The following TNKS variants were observed in gnomAD, a reference collection of about 807,000 sequenced individuals.
TNKS encodes the protein tankyrase.
A neutral mutation model predicts 135.8 loss-of-function variants in TNKS; 72 were observed. The observed-to-expected ratio is 0.53, with a 90% CI of 0.44 to 0.64. The LOEUF is 0.64. TNKS is among the 30% of genes least tolerant of loss of function. The pLI is 0.00. For synonymous variants in TNKS, 849 were observed against 649.3 expected (o/e 1.31, Z -4.68); for missense variants, 1,769 against 1,674.0 (o/e 1.06, Z -0.99).
chr8:9,743,958 A>G (rs554679207), intron 17 of TNKS, among the ~76,000 whole-genome samples: 54 of 152,348 alleles, frequency 3.5e-4, no homozygotes, highest in Middle Eastern at 3.4e-3. Flanking sequence ...GTGAAATTAC[A>G]TAGTTATTTA....
At chr8:9,568,509 T>G (rs549994879) in intron 1 of TNKS, among the ~76,000 whole-genome samples, 14 of 152,280 alleles carry the variant, frequency 9.2e-5, no homozygotes, top group Admixed American at 2.0e-4. Flanking sequence ...TATTAGAAAT[T>G]TTAAAAATAA....
intron 17 of TNKS, chr8:9,741,583 G>C (rs1585402556): frequency 3.0e-6 from 1 of 337,412 alleles, no homozygotes; most frequent in East Asian, 6.4e-5. Flanking sequence ...TCTTCACCTT[G>C]CACAGTCTTT....
At chr8:9,671,512 T>C (rs1802268425) in intron 3 of TNKS, among the ~76,000 whole-genome samples, 1 of 152,222 alleles carries the variant, frequency 6.6e-6, no homozygotes, top group African/African-American at 2.4e-5. Flanking sequence ...AATCAGAAGT[T>C]TATATATTCT....
Position 9,556,037 on chromosome 8 carries a change from C to T in TNKS, c.98C>T (p.Pro33Leu). 6.2e-7 allele frequency: 1 copy of T among 1,611,756 alleles called. No homozygotes were observed. Among genetic ancestry groups the T allele is most frequent in the South Asian group, 1.1e-5 (1 of 90,970 alleles). The change falls in exon 1 of 27, where the codon CCC (proline) becomes CTC (leucine). Residue 33 changes from proline to leucine, a missense_variant. Pro to Leu is a moderately conservative substitution (Grantham distance 98). Transcript: ENST00000310430. ...GASAPPPPPP[P>L]PLSPGLAPGT... ...TCAGCGCCGCCGCCGCCACCTCCTC[C>T]CCCACTCAGCCCTGGCCTGGCCCCG...
At chr8:9,603,717 G>A (rs1354220510) in intron 2 of TNKS, among the ~76,000 whole-genome samples, 2 of 152,232 alleles carry the variant, frequency 1.3e-5, no homozygotes, top group South Asian at 2.1e-4. Context: ...AAGAACCCTG[G>A]TTTATTAAGT....
intron 3 of TNKS, among the ~76,000 whole-genome samples, chr8:9,646,316 C>T (rs562839746): frequency 1.3e-5 from 2 of 152,010 alleles, no homozygotes; most frequent in East Asian, 3.9e-4. Flanking sequence ...ACGAATAATG[C>T]CTTACCTGCA....
intron 3 of TNKS, among the ~76,000 whole-genome samples, chr8:9,620,495 A>G (rs1240506902): frequency 6.6e-6 from 1 of 152,220 alleles, no homozygotes; most frequent in African/African-American, 2.4e-5. Flanking sequence ...CTCTATAATC[A>G]GAAAATTCTT....
intron 2 of TNKS, among the ~76,000 whole-genome samples, chr8:9,588,450 G>C (rs1163032858): frequency 6.6e-6 from 1 of 152,078 alleles, no homozygotes; most frequent in East Asian, 1.9e-4. Flanking sequence ...AATTTTTTAT[G>C]TATTTTTAGT....
chr8:9,740,400 A>G (rs1249822601), intron 17 of TNKS, among the ~76,000 whole-genome samples: 2 of 152,088 alleles, frequency 1.3e-5, no homozygotes, highest in Non-Finnish European at 2.9e-5. Context: ...AACCAACCCA[A>G]CCACCTTGAT....
At chr8:9,686,023 G>A (rs1193047001) in intron 5 of TNKS, among the ~76,000 whole-genome samples, 2 of 152,130 alleles carry the variant, frequency 1.3e-5, no homozygotes, top group South Asian at 2.1e-4. Context: ...ATTTGGAGAT[G>A]CCTCAATAAA....
chr8:9,713,163 A>G (rs566185512), intron 11 of TNKS, among the ~76,000 whole-genome samples: 3 of 152,332 alleles, frequency 2.0e-5, no homozygotes, highest in Admixed American at 2.0e-4. Flanking sequence ...ACAGAGTTCT[A>G]CAGATGTATT....
Position 9,556,214 on chromosome 8 carries a change from C to A in TNKS, c.275C>A (p.Thr92Asn). 1 of 1,614,180 alleles carries A rather than the reference C, an allele frequency of 6.2e-7. No homozygotes were observed. ...DPVDGTSCCS[T>N]TSTICTVAAA... Reference sequence around the variant, plus strand: ...GTTGACGGTACCAGCTGTTGCAGTACCACCAGCACAATCTGTACCGTCGCC... The same window carrying A: ...GTTGACGGTACCAGCTGTTGCAGTAACACCAGCACAATCTGTACCGTCGCC... Residue 92 changes from threonine to asparagine, a missense_variant, in exon 1 of 27, where the codon ACC becomes AAC. Physicochemically the swap from Thr to Asn is moderately conservative, Grantham distance 65. Around this residue, in one of 5 missense-constraint regions of TNKS, gnomAD observed 450 missense variants for 304.9 expected, o/e 1.48. Transcript: ENST00000310430.
intron 2 of TNKS, among the ~76,000 whole-genome samples, chr8:9,592,559 A>G (rs529014779): frequency 6.6e-6 from 1 of 152,288 alleles, no homozygotes; most frequent in South Asian, 2.1e-4. Flanking sequence ...ATGAGGTGCC[A>G]GATTCTTAAA....
intron 3 of TNKS, among the ~76,000 whole-genome samples, chr8:9,674,447 A>C (rs763276607): frequency 3.9e-5 from 6 of 152,188 alleles, no homozygotes; most frequent in Non-Finnish European, 8.8e-5. Context: ...TTTAAGAGTA[A>C]AGAATATGGA....
rs533748455 is a variant in TNKS, at chr8:9,660,341, A to C, written c.995-19610A>C. ...AACATCGATGCAAAAATCCTCAATA[A>C]AATACTGGCAAACCGAATCCAGCAA... On this transcript the variant is annotated intron_variant, in intron 3 of 26. Transcript: ENST00000310430. Among the ~76,000 whole-genome samples, 3 of 152,326 alleles carry C rather than the reference A, an allele frequency of 2.0e-5. No homozygotes were observed. In the South Asian group the frequency reaches 6.2e-4, roughly 32 times the overall value.
At chr8:9,654,049 T>C (rs927104821) in intron 3 of TNKS, among the ~76,000 whole-genome samples, 1 of 152,176 alleles carries the variant, frequency 6.6e-6, no homozygotes, top group Non-Finnish European at 1.5e-5. Flanking sequence ...TTCCCAGTTG[T>C]GCAGTAAAAA....
intron 3 of TNKS, among the ~76,000 whole-genome samples, chr8:9,671,464 G>A (rs1382879558): frequency 6.6e-5 from 10 of 152,128 alleles, no homozygotes; most frequent in Admixed American, 5.2e-4. Context: ...CAACATGGAC[G>A]AAACTTAAAA....
At chr8:9,574,982 T>TGTCAGA (rs71280786) in intron 1 of TNKS, 119,877 of 949,162 alleles carry the variant, frequency 0.13, 8,130 homozygotes, top group Admixed American at 0.24. Context: ...ATGCTAAGAA[T>TGTCAGA]GTGGAAAGAT....
At chr8:9,774,957 G>C (rs572398548) in intron 26 of TNKS, among the ~76,000 whole-genome samples, 257 of 152,280 alleles carry the variant, frequency 1.7e-3, no homozygotes, top group African/African-American at 6.1e-3. Context: ...GCCAGCCTGC[G>C]TTCTTTTTAC....
Sources: allele counts gnomAD v4.1 joint callset (sites outside exome capture counted in the v4.1 genomes callset), GRCh38; gene constraint gnomAD v4.1.1; regional missense constraint gnomAD v4.1.1; transcripts MANE v1.5; gene names NCBI Gene and HGNC (gene_info 2026-07-23, HGNC 2026-07-21).